Variants in PDE4B observed in about 807,000 individuals in gnomAD.
PDE4B encodes phosphodiesterase 4B.
PDE4B carries 20 observed loss-of-function variants against 82.2 expected under a neutral mutation model. The observed-to-expected ratio is 0.24, with a 90% CI of 0.17 to 0.35. The LOEUF (loss-of-function observed/expected upper bound fraction) is 0.35, where lower values mean the gene tolerates loss of function less well. Ranked by LOEUF, PDE4B falls within the 10% of genes least tolerant of loss-of-function variation. The probability of loss-of-function intolerance (pLI) is 1.00; values close to 1 mark genes in which losing one functional copy is unlikely to be tolerated. For synonymous variants in PDE4B, 320 were observed against 318.9 expected, an observed-to-expected ratio of 1.00 and a Z score of -0.04; for missense variants, 655 against 907.2, an observed-to-expected ratio of 0.72 and a Z score of 3.57.
At chr1:66,365,526 CTTAAA>C in intron 12 of PDE4B, 136 bp from the exon 13 acceptor site, 1 of 537,918 alleles carries the variant, frequency 1.9e-6, no homozygotes, top group East Asian at 2.9e-5. Flanking sequence ...TCTACATTTA[CTTAAA>C]TTAGTATATT....
At chr1:66,291,548 G>T (rs1380715089) in intron 7 of PDE4B, among the ~76,000 whole-genome samples, 1 of 152,132 alleles carries the variant, frequency 6.6e-6, no homozygotes, top group Non-Finnish European at 1.5e-5. Flanking sequence ...TAATTGTGGG[G>T]GAATTATGGA....
chr1:66,269,890 A>G (rs1655338839), intron 7 of PDE4B, among the ~76,000 whole-genome samples: 1 of 152,252 alleles, frequency 6.6e-6, no homozygotes, highest in Admixed American at 6.5e-5. Context: ...AATAATATGT[A>G]TCATGTATAC....
chr1:66,117,186 T>C (rs887679594), intron 3 of PDE4B, among the ~76,000 whole-genome samples: 1 of 152,206 alleles, frequency 6.6e-6, no homozygotes, highest in African/African-American at 2.4e-5. Context: ...TTGTAGATTA[T>C]TCACAATTCC....
At chr1:66,320,797 A>G (rs1659345381) in intron 7 of PDE4B, among the ~76,000 whole-genome samples, 1 of 152,202 alleles carries the variant, frequency 6.6e-6, no homozygotes, top group African/African-American at 2.4e-5. Context: ...AGGTTTGCAT[A>G]TGGTGTTGTG....
At chr1:65,914,470 CTT>C (rs34161281) in intron 2 of PDE4B, among the ~76,000 whole-genome samples, 3 of 145,104 alleles carry the variant, frequency 2.1e-5, no homozygotes, top group African/African-American at 7.6e-5. Context: ...TCTTCTTCTT[CTT>C]TTTTTTTTTT....
intron 1 of PDE4B, among the ~76,000 whole-genome samples, chr1:65,874,207 G>C (rs1442998257): frequency 6.6e-6 from 1 of 151,372 alleles, no homozygotes; most frequent in Middle Eastern, 3.4e-3. Context: ...CTCATGATTT[G>C]GCTCTCTGTT....
chr1:65,909,255 GA>G (rs1013922650), intron 1 of PDE4B, among the ~76,000 whole-genome samples: 4 of 151,896 alleles, frequency 2.6e-5, no homozygotes, highest in African/African-American at 7.2e-5. Flanking sequence ...TTTTAAATTG[GA>G]AAAAAAGTAG....
At chr1:66,053,430 T>C (rs916861647) in intron 3 of PDE4B, among the ~76,000 whole-genome samples, 1 of 152,232 alleles carries the variant, frequency 6.6e-6, no homozygotes, top group African/African-American at 2.4e-5. Context: ...TTCTAGGAGC[T>C]TTATGTGTAT....
intron 3 of PDE4B, among the ~76,000 whole-genome samples, chr1:66,142,319 A>G (rs1042332533): frequency 1.3e-5 from 2 of 152,186 alleles, no homozygotes; most frequent in Admixed American, 6.5e-5. Flanking sequence ...GAAAGTCAAC[A>G]GTAGTGCTAA....
chr1:65,941,176 G>C (rs529006081), intron 3 of PDE4B, among the ~76,000 whole-genome samples: 167 of 152,116 alleles, frequency 1.1e-3, no homozygotes, highest in African/African-American at 3.9e-3. Context: ...TGAAGCCTCA[G>C]GTTCTGTCAC....
rs141437989 is a variant in PDE4B at position 66,368,864 on chromosome 1, C to A, written c.1740C>A (p.Asp580Glu). ...KSLELYRQWT[D>E]RIMEEFFQQG... ...TGGAATTGTATCGGCAATGGACAGA[C>A]CGCATCATGGAGGAATTTTTCCAGC... The change falls in exon 16 of 17, where the codon GAC becomes GAA. Residue 580 changes from aspartate to glutamate, a missense_variant. By Grantham distance (45) the Asp-to-Glu change is conservative (BLOSUM62 2). Around this residue, in one of 3 missense-constraint regions of PDE4B, gnomAD observed 283 missense variants for 516.4 expected, o/e 0.55. Coordinates refer to ENST00000341517, the MANE Select transcript of PDE4B (RefSeq NM_002600.4). The A allele has an allele frequency of 1.8e-4, 291 of 1,613,450 alleles. 5 individuals carry two copies. In the South Asian group the frequency reaches 3.0e-3, roughly 16 times the overall value.
chr1:65,884,690 A>G (rs558707904), intron 1 of PDE4B, among the ~76,000 whole-genome samples: 1 of 152,302 alleles, frequency 6.6e-6, no homozygotes, highest in Non-Finnish European at 1.5e-5. Flanking sequence ...CCTTCCTTAC[A>G]CCTTATACAA....
chr1:65,958,548 T>C (rs1333445036), intron 3 of PDE4B, among the ~76,000 whole-genome samples: 2 of 152,126 alleles, frequency 1.3e-5, no homozygotes, highest in Non-Finnish European at 2.9e-5. Context: ...ATAAATAATG[T>C]GGTAGGATTC....
At chr1:66,069,950 C>T (rs539728624) in intron 3 of PDE4B, among the ~76,000 whole-genome samples, 1 of 151,744 alleles carries the variant, frequency 6.6e-6, no homozygotes, top group South Asian at 2.1e-4. Context: ...TCCTTCCATT[C>T]TTCCTTATAT....
intron 3 of PDE4B, among the ~76,000 whole-genome samples, chr1:66,098,012 T>C (rs1222916711): frequency 6.6e-6 from 1 of 152,092 alleles, no homozygotes; most frequent in Non-Finnish European, 1.5e-5. Context: ...GTTACTACTA[T>C]GGTGATAACT....
chr1:66,001,676 G>C (rs1052142636), intron 3 of PDE4B, among the ~76,000 whole-genome samples: 3 of 152,198 alleles, frequency 2.0e-5, no homozygotes, highest in African/African-American at 7.2e-5. Context: ...ATATCTTAGA[G>C]TGGCATTGAT....
chr1:66,296,554 A>C (rs1010373254), intron 7 of PDE4B, among the ~76,000 whole-genome samples: 2 of 152,118 alleles, frequency 1.3e-5, no homozygotes, highest in East Asian at 3.9e-4. Flanking sequence ...CATGTTACTT[A>C]ATTCTTTTAA....
chr1:66,029,908 A>G (rs914537763), intron 3 of PDE4B, among the ~76,000 whole-genome samples: 1 of 152,224 alleles, frequency 6.6e-6, no homozygotes. Context: ...CTTTCAAGCA[A>G]TATTCCTTTT....
At chr1:65,806,719 C>T (rs193088991) in intron 1 of PDE4B, among the ~76,000 whole-genome samples, 68 of 152,330 alleles carry the variant, frequency 4.5e-4, no homozygotes, top group African/African-American at 1.6e-3. Flanking sequence ...TGATTCCCCA[C>T]TGATCCTATC....
Sources: allele counts gnomAD v4.1 joint callset (sites outside exome capture counted in the v4.1 genomes callset), GRCh38; gene constraint gnomAD v4.1.1; regional missense constraint gnomAD v4.1.1; transcripts MANE v1.5; gene names NCBI Gene and HGNC (gene_info 2026-07-23, HGNC 2026-07-21).